PMFBP1: variants seen among roughly 807,000 people sequenced by gnomAD.
PMFBP1 encodes polyamine-modulated factor 1-binding protein 1.
Under a neutral mutation model 137.8 loss-of-function variants are expected in PMFBP1, and 131 were observed. The observed-to-expected ratio is 0.95, with a 90% CI of 0.82 to 1.10. PMFBP1 has a LOEUF of 1.10. PMFBP1 is among the 50% of genes least tolerant of loss of function. The pLI, the probability that PMFBP1 is intolerant of heterozygous loss-of-function variation, is 0.00. For synonymous variants in PMFBP1, 490 were observed against 450.4 expected (o/e 1.09, Z -1.11); for missense variants, 1,199 against 1,175.4 (o/e 1.02, Z -0.29).
the PMFBP1 span, among the ~76,000 whole-genome samples, chr16:72,187,544 T>G: frequency 6.6e-6 from 1 of 152,302 alleles, no homozygotes; most frequent in Admixed American, 6.5e-5. Context: ...TGGTGAGACT[T>G]CTTATATTGA....
chr16:72,218,999 GTAAT>G, the PMFBP1 span, among the ~76,000 whole-genome samples: 1 of 152,022 alleles, frequency 6.6e-6, no homozygotes, highest in Non-Finnish European at 1.5e-5. Context: ...AATTAATTAA[GTAAT>G]TATTTTAAAT....
chr16:72,119,264 A>G lies in PMFBP1; in HGVS notation c.*74T>C, dbSNP rs2042340444. ...TGTAAGAGCTGATCCAGGTCAAGAG[A>G]GAGGGAGGGCTGGGAACTCACTGTC... is the stretch of plus-strand genomic sequence containing the variant. On this transcript the variant is annotated 3_prime_UTR_variant, in exon 21 of 21. Transcript: ENST00000237353. 1 of 1,505,284 alleles carries G rather than the reference A, an allele frequency of 6.6e-7. No homozygotes were observed. Among genetic ancestry groups the G allele is most frequent in the African/African-American group, 1.4e-5 (1 of 72,264 alleles). The allele number at this position is 1,505,284 out of a possible 1,614,324, so 93.2% of individuals were successfully genotyped here. A position where few individuals can be genotyped will look rare whatever the true frequency, so the allele number is the denominator to read the frequency against.
the PMFBP1 span, among the ~76,000 whole-genome samples, chr16:72,185,738 C>T: frequency 1.5e-3 from 233 of 152,258 alleles, no homozygotes; most frequent in Non-Finnish European, 2.7e-3. Context: ...ATAACTGGCA[C>T]ATAGTGGATG....
At chr16:72,198,905 T>C in the PMFBP1 span, among the ~76,000 whole-genome samples, 3 of 150,220 alleles carry the variant, frequency 2.0e-5, no homozygotes, top group South Asian at 2.2e-4. Flanking sequence ...TCAGCTTCTA[T>C]GAAGGCTGAT....
At chr16:72,210,064 C>G in the PMFBP1 span, among the ~76,000 whole-genome samples, 1 of 152,218 alleles carries the variant, frequency 6.6e-6, no homozygotes, top group Non-Finnish European at 1.5e-5. Context: ...ATACCCCTGT[C>G]TATTCCTCTG....
chr16:72,249,920 CAAAAAAAAAAAAA>C, the PMFBP1 span, among the ~76,000 whole-genome samples: 2 of 30,124 alleles, frequency 6.6e-5, no homozygotes, highest in African/African-American at 1.2e-4. Flanking sequence ...GACTCCATCG[CAAAAAAAAAAAAA>C]AAAAAAAAAA....
At chr16:72,201,190 G>T in the PMFBP1 span, among the ~76,000 whole-genome samples, 1 of 152,174 alleles carries the variant, frequency 6.6e-6, no homozygotes, top group Non-Finnish European at 1.5e-5. Flanking sequence ...ACCTGGAGGG[G>T]TCTGATGGGA....
At chr16:72,134,700 C>A (rs1232572594) in intron 9 of PMFBP1, among the ~76,000 whole-genome samples, 1 of 152,234 alleles carries the variant, frequency 6.6e-6, no homozygotes, top group East Asian at 1.9e-4. Flanking sequence ...AGTGCCTTTG[C>A]ACTTGCTATT....
At chr16:72,198,694 G>C in the PMFBP1 span, among the ~76,000 whole-genome samples, 1 of 152,034 alleles carries the variant, frequency 6.6e-6, no homozygotes, top group Non-Finnish European at 1.5e-5. Flanking sequence ...CCAGCTTTGG[G>C]CTATACCTGG....
chr16:72,146,134 T>G (rs954715079), intron 5 of PMFBP1, among the ~76,000 whole-genome samples: 1 of 152,190 alleles, frequency 6.6e-6, no homozygotes, highest in South Asian at 2.1e-4. Flanking sequence ...AATAAAATAC[T>G]GGCAAACCGA....
chr16:72,242,063 T>C, the PMFBP1 span, among the ~76,000 whole-genome samples: 1 of 152,210 alleles, frequency 6.6e-6, no homozygotes, highest in Non-Finnish European at 1.5e-5. Context: ...TATCTTAGCC[T>C]TCCCTTCATC....
the PMFBP1 span, among the ~76,000 whole-genome samples, chr16:72,219,227 A>G: frequency 6.6e-6 from 1 of 152,196 alleles, no homozygotes; most frequent in African/African-American, 2.4e-5. Flanking sequence ...TGTGAACTGT[A>G]TTCTTTATTC....
At chr16:72,170,595 A>G (rs138969792) in intron 2 of PMFBP1, among the ~76,000 whole-genome samples, 1 of 152,054 alleles carries the variant, frequency 6.6e-6, no homozygotes, top group Non-Finnish European at 1.5e-5. Flanking sequence ...ACACCTGGCT[A>G]ATTTTTTTTA....
At chr16:72,224,933 AT>A in the PMFBP1 span, 2 of 152,182 alleles carry the variant, frequency 1.3e-5, no homozygotes, top group Non-Finnish European at 2.9e-5. Flanking sequence ...GGCTTCTTAA[AT>A]TTAGTTATAC....
chr16:72,125,931 T>C (rs372610758), intron 15 of PMFBP1, 37 bp downstream of exon 15: 9 of 1,601,356 alleles, frequency 5.6e-6, no homozygotes, highest in Middle Eastern at 1.7e-4. Flanking sequence ...TTTCCTTGCC[T>C]GAAAACAGCC....
At chr16:72,207,492 G>A in the PMFBP1 span, among the ~76,000 whole-genome samples, 1 of 152,282 alleles carries the variant, frequency 6.6e-6, no homozygotes, top group East Asian at 1.9e-4. Context: ...CTTGTGCTGG[G>A]ACACAGAGAA....
the PMFBP1 span, among the ~76,000 whole-genome samples, chr16:72,212,198 G>A: frequency 6.6e-6 from 1 of 151,942 alleles, no homozygotes; most frequent in Admixed American, 6.6e-5. Context: ...TTATTTATTA[G>A]AAGGTCCAGC....
At chr16:72,196,109 T>G in the PMFBP1 span, among the ~76,000 whole-genome samples, 2 of 152,004 alleles carry the variant, frequency 1.3e-5, no homozygotes, top group African/African-American at 4.8e-5. Flanking sequence ...TAACCCTGGT[T>G]GCTCTAATTT....
At position 72,132,795 on chromosome 16, in the gene PMFBP1, T is replaced by C; in HGVS notation, c.1400A>G (p.Lys467Arg). 6.2e-7 allele frequency: 1 copy of C among 1,614,220 alleles called. No homozygotes were observed. Among genetic ancestry groups the C allele is most frequent in the Non-Finnish European group, 8.5e-7 (1 of 1,180,034 alleles). Reference protein sequence around the residue: ...ECKALQAEVQKLKNSLEEAKQ... With the variant: ...ECKALQAEVQRLKNSLEEAKQ... The stretch of plus-strand genomic sequence containing the variant: ...GGCCTCTTCGAGACTGTTCTTCAGC[T>C]TCTGGACCTCAGCCTGCAGGGCCTT... Residue 467 changes from lysine (K) to arginine (R), a missense_variant, in exon 10 of 21, where the codon AAG (lysine) becomes AGG (arginine). Coordinates refer to ENST00000237353, the MANE Select transcript of PMFBP1 (RefSeq NM_031293.3).
Sources: gnomAD v4.1 joint callset for allele counts (sites outside exome capture counted in the v4.1 genomes callset) on GRCh38, gnomAD v4.1.1 for gene constraint, MANE v1.5 for transcripts, NCBI Gene and HGNC (gene_info 2026-07-23, HGNC 2026-07-21) for gene names.